CSRNP3: variants seen among roughly 807,000 people sequenced by gnomAD.
CSRNP3 encodes cysteine and serine rich nuclear protein 3.
In CSRNP3, 12 loss-of-function variants were observed where a neutral mutation model predicts 48.0. The ratio of observed to expected loss-of-function variants is 0.25; its 90% CI spans 0.16 to 0.41. The LOEUF (loss-of-function observed/expected upper bound fraction) is 0.41. CSRNP3 is among the 10% of genes least tolerant of loss of function. CSRNP3 has a pLI of 1.00. For missense variants in CSRNP3, 580 were observed against 724.4 expected, an observed-to-expected ratio of 0.80 and a Z score of 2.29; for synonymous variants, 263 against 269.7, an observed-to-expected ratio of 0.98 and a Z score of 0.24.
chr2:165,470,836 C>T (rs756085341), intron 1 of CSRNP3, among the ~76,000 whole-genome samples: 2 of 151,848 alleles, frequency 1.3e-5, no homozygotes, highest in Admixed American at 1.3e-4. Flanking sequence ...CGATTAATAC[C>T]TGTTGATTAT....
chr2:165,590,081 C>T (rs1188157031), intron 3 of CSRNP3, among the ~76,000 whole-genome samples: 1 of 152,160 alleles, frequency 6.6e-6, no homozygotes, highest in African/African-American at 2.4e-5. Context: ...CAAGACTTTA[C>T]TTAAAATATC....
At chr2:165,504,830 A>G (rs1205945374) in intron 2 of CSRNP3, among the ~76,000 whole-genome samples, 1 of 152,130 alleles carries the variant, frequency 6.6e-6, no homozygotes, top group Non-Finnish European at 1.5e-5. Context: ...AATTCTATTT[A>G]TGCAAGGGCT....
At position 165,683,160 on chromosome 2, in the gene CSRNP3, ATT is replaced by A. The variant is rs1687574722; in HGVS notation, c.*3408_*3409del. On this transcript the variant is annotated 3_prime_UTR_variant, in exon 7 of 7. Transcript: ENST00000651982. Reference sequence around the variant, plus strand: ...CCTCCTTATCTCTTGATCATTAATTATTAAGACATGGGTAAAATTCATTTGTC... The same window carrying A: ...CCTCCTTATCTCTTGATCATTAATTAAAGACATGGGTAAAATTCATTTGTC... 6.6e-6 allele frequency: 1 copy of A among 152,134 alleles called. No homozygotes were observed. 9.4% of individuals were successfully genotyped at this position (152,134 alleles called of 1,614,324 possible). A position where few individuals can be genotyped will look rare whatever the true frequency, so the allele number is the denominator to read the frequency against.
At position 165,654,110 on chromosome 2, in the gene CSRNP3, AT is replaced by A. The variant is rs539510529; in HGVS notation, c.149-3646del. 1.3e-4 allele frequency among the ~76,000 whole-genome samples: 20 copies of A among 151,112 alleles called. No homozygotes were observed. In the East Asian group the frequency reaches 3.9e-3, roughly 30 times the overall value. On this transcript the variant is annotated intron_variant, in intron 4 of 6. Transcript: ENST00000651982. ...TGAATAATAATGCCTTTAGGGCATC[AT>A]TTTTATGATATCAAGAGCAAAAAAG...
rs917947464 is a variant in CSRNP3, at chr2:165,686,057, G to C, written c.*6304G>C. The C allele has an allele frequency of 6.6e-6, 1 of 152,088 alleles. No individual in the cohort carries two copies. The highest frequency in any genetic ancestry group is 2.4e-5 in the African/African-American group (1 of 41,446). The allele number at this position is 152,088 out of a possible 1,614,324, so 9.4% of individuals were successfully genotyped here. Reference sequence around the variant, plus strand: ...GAACAGTTTTAGTTGTAACTTTAGAGTAGCTTCTTTGTTAGAGGATCTCTT... The same window carrying C: ...GAACAGTTTTAGTTGTAACTTTAGACTAGCTTCTTTGTTAGAGGATCTCTT... On this transcript the variant is annotated 3_prime_UTR_variant, in exon 7 of 7. Transcript: ENST00000651982.
At chr2:165,475,428 G>A (rs1181684787) in intron 1 of CSRNP3, among the ~76,000 whole-genome samples, 1 of 152,080 alleles carries the variant, frequency 6.6e-6, no homozygotes. Flanking sequence ...TACAGGCAGG[G>A]CCAAGGAGAG....
intron 4 of CSRNP3, among the ~76,000 whole-genome samples, chr2:165,606,231 A>G (rs1191229175): frequency 6.6e-5 from 10 of 151,988 alleles, no homozygotes; most frequent in Non-Finnish European, 8.8e-5. Context: ...AAAACTGAAT[A>G]TATAACCAAA....
intron 1 of CSRNP3, among the ~76,000 whole-genome samples, chr2:165,475,379 A>G (rs974699942): frequency 6.6e-6 from 1 of 152,088 alleles, no homozygotes; most frequent in African/African-American, 2.4e-5. Context: ...GATCTTGGGG[A>G]TGCCATTATA....
At chr2:165,576,005 C>T (rs1685444968) in intron 3 of CSRNP3, among the ~76,000 whole-genome samples, 1 of 151,376 alleles carries the variant, frequency 6.6e-6, no homozygotes, top group South Asian at 2.1e-4. Context: ...TCAGAATATG[C>T]TGTCCTCTGG....
chr2:165,631,253 A>G (rs1313339602), intron 4 of CSRNP3, among the ~76,000 whole-genome samples: 1 of 152,066 alleles, frequency 6.6e-6, no homozygotes, highest in Non-Finnish European at 1.5e-5. Context: ...GCTAGAGACA[A>G]TGTGTGTGTG....
At chr2:165,634,168 G>A (rs1219629983) in intron 4 of CSRNP3, among the ~76,000 whole-genome samples, 6 of 151,892 alleles carry the variant, frequency 4.0e-5, no homozygotes, top group African/African-American at 7.3e-5. Context: ...GCAAAACCCC[G>A]TCTCTACTAA....
intron 3 of CSRNP3, among the ~76,000 whole-genome samples, chr2:165,584,388 G>A (rs947847741): frequency 6.6e-6 from 1 of 152,128 alleles, no homozygotes; most frequent in Non-Finnish European, 1.5e-5. Context: ...GCACCCTTAG[G>A]GAAAGCAGCT....
chr2:165,526,394 T>C (rs555591156), intron 3 of CSRNP3, among the ~76,000 whole-genome samples: 1 of 152,308 alleles, frequency 6.6e-6, no homozygotes, highest in East Asian at 1.9e-4. Flanking sequence ...TATTAAAATA[T>C]GGAGTATTAC....
At chr2:165,678,055 G>A (rs950799920) in intron 6 of CSRNP3, among the ~76,000 whole-genome samples, 6 of 152,020 alleles carry the variant, frequency 3.9e-5, no homozygotes, top group Admixed American at 6.6e-5. Flanking sequence ...CCATTGCAGC[G>A]CTCCAGTACA....
rs115494180 is a variant in CSRNP3 at position 165,689,071 on chromosome 2, G to T, written c.*9318G>T. 247 of 152,108 alleles carry T rather than the reference G, an allele frequency of 1.6e-3. No homozygotes were observed. Among genetic ancestry groups the T allele is most frequent in the African/African-American group, 5.6e-3 (233 of 41,512 alleles). 9.4% of individuals were successfully genotyped at this position (152,108 alleles called of 1,614,324 possible). A position where few individuals can be genotyped will look rare whatever the true frequency, so the allele number is the denominator to read the frequency against. On this transcript the variant is annotated 3_prime_UTR_variant, in exon 7 of 7. Transcript: ENST00000651982. ...CTAGATTGATTTCTCTTGTGTATAA[G>T]TTATAACATCAAAAATGCCAAAGGG...
chr2:165,559,102 T>A (rs1289987511), intron 3 of CSRNP3, among the ~76,000 whole-genome samples: 1 of 152,150 alleles, frequency 6.6e-6, no homozygotes, highest in Non-Finnish European at 1.5e-5. Context: ...GACAGAAATA[T>A]GCAAAGAAGA....
rs1347181169 is a variant in CSRNP3 at position 165,688,771 on chromosome 2, T to C, written c.*9018T>C. 1 of 152,004 alleles carries C rather than the reference T, an allele frequency of 6.6e-6. No homozygotes were observed. The highest frequency in any genetic ancestry group is 1.5e-5 in the Non-Finnish European group (1 of 68,002). 9.4% of individuals were successfully genotyped at this position (152,004 alleles called of 1,614,324 possible). On this transcript the variant is annotated 3_prime_UTR_variant, in exon 7 of 7. Transcript: ENST00000651982. ...AGGGAAGTCTTTTGAGAATATTTGT[T>C]CTCTTATTTTTTGTTTGTTTGTTGC...
At chr2:165,651,371 A>G (rs1222756800) in intron 4 of CSRNP3, among the ~76,000 whole-genome samples, 1 of 152,164 alleles carries the variant, frequency 6.6e-6, no homozygotes, top group Non-Finnish European at 1.5e-5. Context: ...AATCAGTTGA[A>G]TTTTCCTAGA....
Position 165,679,127 on chromosome 2 carries a change from G to A in CSRNP3, c.1132G>A (p.Glu378Lys), listed in dbSNP as rs1043807517. 6.2e-7 allele frequency: 1 copy of A among 1,613,760 alleles called. No individual in the cohort carries two copies. The highest frequency in any genetic ancestry group is 8.5e-7 in the Non-Finnish European group (1 of 1,179,946). The change falls in exon 7 of 7, where the codon GAG (glutamate) becomes AAG (lysine). Residue 378 changes from glutamate (E) to lysine (K), a missense_variant. Physicochemically the swap from Glu to Lys is moderately conservative, Grantham distance 56. This residue lies in a region of CSRNP3 where 369 missense variants were observed against 380.8 expected (regional missense o/e 0.97). Coordinates refer to ENST00000651982, the MANE Select transcript of CSRNP3 (RefSeq NM_001172173.2). ...ESDEEEEEEEEEEEEEDDDDD... is the reference protein window; with the variant it reads ...ESDEEEEEEEKEEEEEDDDDD... ...AGACGAGGAGGAGGAGGAAGAAGAA[G>A]AGGAAGAGGAGGAGGAGGATGACGA...
Sources: allele counts gnomAD v4.1 joint callset (sites outside exome capture counted in the v4.1 genomes callset), GRCh38; gene constraint gnomAD v4.1.1; regional missense constraint gnomAD v4.1.1; transcripts MANE v1.5; gene names NCBI Gene and HGNC (gene_info 2026-07-23, HGNC 2026-07-21).